Variants in CADPS2 observed in about 807,000 individuals in gnomAD.
CADPS2 encodes the protein calcium-dependent secretion activator 2.
A neutral mutation model predicts 172.5 loss-of-function variants in CADPS2; 93 were observed. The ratio of observed to expected loss-of-function variants is 0.54; its 90% CI spans 0.46 to 0.64. CADPS2 has a LOEUF of 0.64. Ranked by LOEUF, CADPS2 falls within the 30% of genes least tolerant of loss-of-function variation. The pLI is 0.00. For synonymous variants in CADPS2, 546 were observed against 555.2 expected (o/e 0.98, Z 0.23); for missense variants, 1,420 against 1,565.9 (o/e 0.91, Z 1.57).
intron 2 of CADPS2, among the ~76,000 whole-genome samples, chr7:122,717,446 CA>C (rs1203348656): frequency 3.3e-5 from 5 of 152,110 alleles, no homozygotes; most frequent in African/African-American, 1.2e-4. Context: ...AAAATGTTTA[CA>C]AAAATTATAA....
chr7:122,476,547 C>T (rs997286003), intron 12 of CADPS2, among the ~76,000 whole-genome samples: 2 of 151,998 alleles, frequency 1.3e-5, no homozygotes, highest in Admixed American at 1.3e-4. Context: ...TATATATCTG[C>T]TAAGGTAACA....
intron 1 of CADPS2, among the ~76,000 whole-genome samples, chr7:122,878,992 T>C (rs913636677): frequency 1.8e-4 from 27 of 152,206 alleles, no homozygotes; most frequent in African/African-American, 5.3e-4. Flanking sequence ...TCCCAGCTTT[T>C]TGGGAGGCTG....
chr7:122,645,309 ATG>A (rs1242602402), intron 3 of CADPS2, among the ~76,000 whole-genome samples: 11 of 123,960 alleles, frequency 8.9e-5, no homozygotes, highest in East Asian at 4.8e-4. Flanking sequence ...ACATATGTAC[ATG>A]TGTGTATACA....
chr7:122,635,135 T>C (rs1307696942), intron 3 of CADPS2, among the ~76,000 whole-genome samples: 3 of 152,176 alleles, frequency 2.0e-5, no homozygotes, highest in African/African-American at 7.2e-5. Context: ...GATTGTTAGA[T>C]AGAGTATTCT....
intron 1 of CADPS2, among the ~76,000 whole-genome samples, chr7:122,820,422 G>A (rs1340951610): frequency 1.3e-5 from 2 of 151,866 alleles, no homozygotes; most frequent in African/African-American, 4.8e-5. Context: ...TCAAACCCCA[G>A]CACCTTCTAC....
chr7:122,787,359 C>G (rs1156999283), intron 1 of CADPS2, among the ~76,000 whole-genome samples: 1 of 152,198 alleles, frequency 6.6e-6, no homozygotes, highest in East Asian at 1.9e-4. Flanking sequence ...ACAGAAACCA[C>G]AGGTCTACCA....
intron 9 of CADPS2, among the ~76,000 whole-genome samples, chr7:122,505,744 C>A (rs1400940184): frequency 1.3e-5 from 2 of 152,190 alleles, no homozygotes; most frequent in Admixed American, 1.3e-4. Flanking sequence ...ACTCCAGAAG[C>A]TGCAACCTAT....
intron 8 of CADPS2, among the ~76,000 whole-genome samples, chr7:122,528,128 G>A (rs1415296418): frequency 1.0e-5 from 1 of 95,660 alleles, no homozygotes; most frequent in Admixed American, 9.8e-5. Flanking sequence ...TGGTGGTGGT[G>A]GTGGTGGTGG....
At chr7:122,434,949 G>A (rs1256226106) in intron 17 of CADPS2, among the ~76,000 whole-genome samples, 1 of 152,152 alleles carries the variant, frequency 6.6e-6, no homozygotes, top group Non-Finnish European at 1.5e-5. Flanking sequence ...AGTAAGATTG[G>A]TGGATATGCT....
At chr7:122,392,291 C>T (rs1563220138) in intron 22 of CADPS2, among the ~76,000 whole-genome samples, 1 of 151,688 alleles carries the variant, frequency 6.6e-6, no homozygotes, top group African/African-American at 2.4e-5. Flanking sequence ...ATAACAAAAA[C>T]AACAATGTAG....
At chr7:122,765,780 T>A (rs2093529928) in intron 1 of CADPS2, among the ~76,000 whole-genome samples, 1 of 152,092 alleles carries the variant, frequency 6.6e-6, no homozygotes, top group African/African-American at 2.4e-5. Flanking sequence ...GTAATTTTTA[T>A]CTCTATTTTA....
intron 25 of CADPS2, among the ~76,000 whole-genome samples, chr7:122,364,068 A>C (rs906198303): frequency 3.3e-5 from 5 of 152,184 alleles, no homozygotes; most frequent in African/African-American, 1.2e-4. Context: ...ATCATGCTAC[A>C]GAACTGTAAG....
At chr7:122,565,260 T>C (rs1276332490) in intron 7 of CADPS2, among the ~76,000 whole-genome samples, 1 of 152,040 alleles carries the variant, frequency 6.6e-6, no homozygotes, top group East Asian at 1.9e-4. Context: ...CAATTTGCCA[T>C]TTTATATGTA....
intron 5 of CADPS2, among the ~76,000 whole-genome samples, chr7:122,618,825 T>C (rs2075262305): frequency 1.3e-5 from 2 of 152,200 alleles, no homozygotes. Flanking sequence ...CCTATAAACA[T>C]GCACTGCACC....
chr7:122,471,652 G>A, intron 13 of CADPS2, 90 bp from the exon 14 acceptor site: 1 of 981,378 alleles, frequency 1.0e-6, no homozygotes, highest in Non-Finnish European at 1.5e-6. Flanking sequence ...CTTATAAGCA[G>A]AAGCTGCATG....
chr7:122,444,764 C>G (rs1365676444), intron 15 of CADPS2, among the ~76,000 whole-genome samples: 1 of 152,166 alleles, frequency 6.6e-6, no homozygotes, highest in Non-Finnish European at 1.5e-5. Context: ...TTTATTCTAA[C>G]AATGTCTTTG....
intron 2 of CADPS2, among the ~76,000 whole-genome samples, chr7:122,682,217 A>G (rs1206958851): frequency 6.6e-6 from 1 of 152,236 alleles, no homozygotes; most frequent in Admixed American, 6.5e-5. Flanking sequence ...ACTGTGCAAC[A>G]AAGACTGAGA....
intron 1 of CADPS2, among the ~76,000 whole-genome samples, chr7:122,844,905 TA>T (rs11378013): frequency 1.7e-3 from 245 of 147,094 alleles, no homozygotes; most frequent in African/African-American, 3.3e-3. Context: ...TGAAAAAAGG[TA>T]AAAAAAAAAA....
chr7:122,419,411 T>C (rs999341207), intron 17 of CADPS2, among the ~76,000 whole-genome samples: 1 of 152,178 alleles, frequency 6.6e-6, no homozygotes, highest in African/African-American at 2.4e-5. Flanking sequence ...AAAAACTTTG[T>C]CAGAAAATGT....
Sources: gnomAD v4.1 joint callset for allele counts (sites outside exome capture counted in the v4.1 genomes callset) on GRCh38, gnomAD v4.1.1 for gene constraint, MANE v1.5 for transcripts, NCBI Gene and HGNC (gene_info 2026-07-23, HGNC 2026-07-21) for gene names.